The following BMAL1 variants were observed in gnomAD, a reference collection of about 807,000 sequenced individuals.
The protein encoded by BMAL1 is basic helix-loop-helix ARNT-like protein 1.
chr11:13,357,104 T>G, the BMAL1 span: 1 of 1,614,168 alleles, frequency 6.2e-7, no homozygotes, highest in Non-Finnish European at 8.5e-7. This position sits in a 1 kb window ranked among gnomAD's most constrained non-coding sequence, Gnocchi z 4.8. Flanking sequence ...AAGGTAAGCT[T>G]GGACCTTATT....
the BMAL1 span, chr11:13,355,308 C>T: frequency 6.2e-7 from 1 of 1,613,528 alleles, no homozygotes; most frequent in Non-Finnish European, 8.5e-7. Flanking sequence ...TAAGTTATCC[C>T]AGATGATTAA....
At chr11:13,314,933 C>T in the BMAL1 span, among the ~76,000 whole-genome samples, 1 of 152,190 alleles carries the variant, frequency 6.6e-6, no homozygotes, top group Admixed American at 6.5e-5. Flanking sequence ...TGCATGGGAG[C>T]TAGCACAATG....
chr11:13,325,573 G>A, the BMAL1 span, among the ~76,000 whole-genome samples: 1 of 151,418 alleles, frequency 6.6e-6, no homozygotes, highest in Admixed American at 6.6e-5. Flanking sequence ...GCCGTCCTTG[G>A]GTCTCAGGGA....
At chr11:13,316,221 T>C in the BMAL1 span, among the ~76,000 whole-genome samples, 14 of 152,156 alleles carry the variant, frequency 9.2e-5, no homozygotes, top group Admixed American at 2.0e-4. Flanking sequence ...GGCAGAGCAA[T>C]ACTTTGTACA....
At chr11:13,302,455 G>C in the BMAL1 span, among the ~76,000 whole-genome samples, 78 of 152,164 alleles carry the variant, frequency 5.1e-4, no homozygotes, top group African/African-American at 1.8e-3. Flanking sequence ...TGGCAAACCT[G>C]GTGACTTTTC....
At chr11:13,345,719 C>T in the BMAL1 span, among the ~76,000 whole-genome samples, 21 of 152,264 alleles carry the variant, frequency 1.4e-4, no homozygotes, top group South Asian at 2.1e-4. Context: ...CTTCAGTTCT[C>T]GGTTCCTCAC....
At chr11:13,386,927 C>G in the BMAL1 span, 2 of 635,118 alleles carry the variant, frequency 3.1e-6, no homozygotes, top group Non-Finnish European at 4.9e-6. Context: ...TAACTTCAGA[C>G]AAAGTGGAAC....
At chr11:13,312,196 T>A in the BMAL1 span, among the ~76,000 whole-genome samples, 1 of 152,222 alleles carries the variant, frequency 6.6e-6, no homozygotes, top group Non-Finnish European at 1.5e-5. Flanking sequence ...CATTTCATCT[T>A]TGCAATGACC....
the BMAL1 span, chr11:13,366,855 C>A: frequency 8.1e-7 from 1 of 1,237,582 alleles, no homozygotes; most frequent in Non-Finnish European, 1.2e-6. Context: ...GAGCAGAGGG[C>A]GGGTGTGTGT....
the BMAL1 span, chr11:13,380,371 A>C: frequency 6.6e-6 from 1 of 152,234 alleles, no homozygotes; most frequent in African/African-American, 2.4e-5. Flanking sequence ...AGCTACATTC[A>C]TCCATGTAGG....
chr11:13,280,643 C>T, the BMAL1 span, among the ~76,000 whole-genome samples: 2 of 152,188 alleles, frequency 1.3e-5, no homozygotes, highest in Admixed American at 1.3e-4. Flanking sequence ...CTTGAGGTTT[C>T]GTTGGGAGCT....
At chr11:13,300,124 CGCCCCA>C in the BMAL1 span, among the ~76,000 whole-genome samples, 1 of 152,178 alleles carries the variant, frequency 6.6e-6, no homozygotes, top group Non-Finnish European at 1.5e-5. Flanking sequence ...CTTAACATTA[CGCCCCA>C]GCCCTTTTCC....
chr11:13,363,785 C>A, the BMAL1 span, among the ~76,000 whole-genome samples: 1 of 152,212 alleles, frequency 6.6e-6, no homozygotes, highest in Non-Finnish European at 1.5e-5. Flanking sequence ...CCAAGAGTGA[C>A]CCTGCCACTG....
the BMAL1 span, among the ~76,000 whole-genome samples, chr11:13,285,759 A>G: frequency 6.6e-6 from 1 of 152,228 alleles, no homozygotes; most frequent in Non-Finnish European, 1.5e-5. Context: ...AAATACTTAC[A>G]TACAGAATTA....
At chr11:13,282,568 T>C in the BMAL1 span, among the ~76,000 whole-genome samples, 10 of 152,190 alleles carry the variant, frequency 6.6e-5, no homozygotes, top group Admixed American at 6.5e-4. Flanking sequence ...GCCCAGTCCA[T>C]CCCTCAATTT....
At chr11:13,376,735 A>C in the BMAL1 span, 1 of 1,612,710 alleles carries the variant, frequency 6.2e-7, no homozygotes, top group South Asian at 1.1e-5. Context: ...GAAGGTAACT[A>C]TGTGCTGCTG....
chr11:13,277,429 G>A, the BMAL1 span, among the ~76,000 whole-genome samples: 12 of 152,304 alleles, frequency 7.9e-5, no homozygotes, highest in African/African-American at 2.9e-4. Context: ...GGGCAGGGGC[G>A]AGGAACCCAG....
At chr11:13,375,639 C>A in the BMAL1 span, 1 of 1,580,510 alleles carries the variant, frequency 6.3e-7, no homozygotes, top group Non-Finnish European at 8.6e-7. Flanking sequence ...AAAATTACAA[C>A]TAATTGCTAT....
chr11:13,280,060 A>G, the BMAL1 span, among the ~76,000 whole-genome samples: 1 of 152,212 alleles, frequency 6.6e-6, no homozygotes, highest in Non-Finnish European at 1.5e-5. Context: ...GTGATCTCAA[A>G]GGTTCCTCTC....
Sources: allele counts gnomAD v4.1 joint callset (sites outside exome capture counted in the v4.1 genomes callset), GRCh38; gene constraint gnomAD v4.1.1; non-coding constraint Gnocchi (gnomAD v3.1); transcripts MANE v1.5; gene names NCBI Gene and HGNC (gene_info 2026-07-23, HGNC 2026-07-21).